Variants in ATP8A2 observed in about 807,000 individuals in gnomAD.
The protein encoded by ATP8A2 is phospholipid-transporting ATPase IB.
A neutral mutation model predicts 165.6 loss-of-function variants in ATP8A2; 100 were observed. The ratio of observed to expected loss-of-function variants is 0.60; its 90% CI spans 0.51 to 0.71. The LOEUF (loss-of-function observed/expected upper bound fraction) is 0.71, where lower values mean the gene tolerates loss of function less well. Among genes scored for constraint, ATP8A2 ranks in the 30% least tolerant of loss-of-function variants. The pLI is 0.00. For synonymous variants in ATP8A2, 543 were observed against 548.8 expected (o/e 0.99, Z 0.15); for missense variants, 1,227 against 1,479.5 (o/e 0.83, Z 2.80).
chr13:25,668,217 G>A (rs1018995680), intron 24 of ATP8A2, among the ~76,000 whole-genome samples: 2 of 152,112 alleles, frequency 1.3e-5, no homozygotes, highest in African/African-American at 4.8e-5. Flanking sequence ...ATGTCTTATA[G>A]GGCAGGCCTA....
At chr13:25,719,141 G>A (rs1448629243) in intron 25 of ATP8A2, among the ~76,000 whole-genome samples, 7 of 152,300 alleles carry the variant, frequency 4.6e-5, no homozygotes, top group East Asian at 3.9e-4. Context: ...GGAAACTTCC[G>A]TGATCCGGCT....
intron 33 of ATP8A2, among the ~76,000 whole-genome samples, chr13:25,875,269 G>A (rs963403999): frequency 2.0e-5 from 3 of 149,348 alleles, no homozygotes; most frequent in Admixed American, 2.0e-4. Flanking sequence ...AAAAATGTAC[G>A]TTTGTGTGAT....
At chr13:26,003,198 C>CTT (rs539506943) in intron 35 of ATP8A2, among the ~76,000 whole-genome samples, 3 of 139,730 alleles carry the variant, frequency 2.1e-5, no homozygotes, top group African/African-American at 5.3e-5. Flanking sequence ...TGTTAGCTTT[C>CTT]TTTTTTTTTT....
chr13:25,884,836 G>A (rs529669416), intron 33 of ATP8A2, among the ~76,000 whole-genome samples: 8 of 152,066 alleles, frequency 5.3e-5, no homozygotes, highest in Admixed American at 2.0e-4. Flanking sequence ...CTCCTCCCAC[G>A]AGCCATCCCA....
chr13:25,864,737 G>A (rs771021741), intron 33 of ATP8A2, among the ~76,000 whole-genome samples: 18 of 152,196 alleles, frequency 1.2e-4, no homozygotes, highest in Non-Finnish European at 2.6e-4. Context: ...GGGTGAAACC[G>A]AGGTTTTCAT....
intron 1 of ATP8A2, among the ~76,000 whole-genome samples, chr13:25,390,352 T>C (rs533229138): frequency 6.6e-6 from 1 of 152,312 alleles, no homozygotes; most frequent in Non-Finnish European, 1.5e-5. Flanking sequence ...CACAGTGAAA[T>C]GTGCCCTTTT....
chr13:25,970,230 ACTCTCAAACTC>A (rs1955881629), intron 35 of ATP8A2, among the ~76,000 whole-genome samples: 1 of 152,182 alleles, frequency 6.6e-6, no homozygotes, highest in Admixed American at 6.5e-5. Flanking sequence ...TCAGAGCAAA[ACTCTCAAACTC>A]CTCTCAAACA....
At chr13:25,838,055 C>A (rs1316697185) in intron 29 of ATP8A2, among the ~76,000 whole-genome samples, 1 of 152,210 alleles carries the variant, frequency 6.6e-6, no homozygotes, top group African/African-American at 2.4e-5. Flanking sequence ...GCTGCACGGC[C>A]TTGTTTCTGC....
intron 4 of ATP8A2, among the ~76,000 whole-genome samples, chr13:25,531,205 T>TATATGTTATATATGAC (rs2038035432): frequency 7.0e-6 from 1 of 143,694 alleles, no homozygotes; most frequent in Admixed American, 7.3e-5. Context: ...TTATATATGA[T>TATATGTTATATATGAC]ATATGTTATA....
In ATP8A2 at chr13:25,490,866, T is replaced by C. The variant is rs113815076; in HGVS notation, c.221+21745T>C. On this transcript the variant is annotated intron_variant, in intron 2 of 36. Transcript: ENST00000381655. ...CTCAAATTCTCCCACCTCAACCTCG[T>C]AAGTAGCTGGGAATATAGGCACACG... Among the ~76,000 whole-genome samples, 750 of 152,092 alleles carry C rather than the reference T, an allele frequency of 4.9e-3. 5 individuals are homozygous for C. The highest frequency in any genetic ancestry group is 0.018 in the African/African-American group (727 of 41,466).
intron 10 of ATP8A2, among the ~76,000 whole-genome samples, chr13:25,547,855 G>A (rs759765774): frequency 6.6e-6 from 1 of 152,090 alleles, no homozygotes; most frequent in Non-Finnish European, 1.5e-5. Flanking sequence ...TTATAAGTCC[G>A]TTACACTGAA....
chr13:25,391,345 G>GTCCA (rs2033238311), intron 1 of ATP8A2, among the ~76,000 whole-genome samples: 1 of 152,098 alleles, frequency 6.6e-6, no homozygotes. Context: ...CTATTCATCT[G>GTCCA]TCCATCCATC....
At chr13:25,652,793 T>C (rs77563394) in intron 24 of ATP8A2, among the ~76,000 whole-genome samples, 5,238 of 152,276 alleles carry the variant, frequency 0.034, 154 homozygotes, top group East Asian at 0.13. Context: ...TTGGCTCTGC[T>C]GAGATTCTTT....
chr13:25,737,514 G>A (rs2043798581), intron 25 of ATP8A2, among the ~76,000 whole-genome samples: 1 of 152,088 alleles, frequency 6.6e-6, no homozygotes, highest in Non-Finnish European at 1.5e-5. Flanking sequence ...TTTTCTGTGT[G>A]TGTGAGACAG....
chr13:25,648,157 A>G (rs75183329), intron 24 of ATP8A2, among the ~76,000 whole-genome samples: 5,251 of 152,082 alleles, frequency 0.035, 156 homozygotes, highest in East Asian at 0.13. Flanking sequence ...TTCTGTCTTT[A>G]AGCTCATTTA....
intron 24 of ATP8A2, among the ~76,000 whole-genome samples, chr13:25,602,869 A>G (rs2138382268): frequency 6.6e-6 from 1 of 152,148 alleles, no homozygotes; most frequent in African/African-American, 2.4e-5. Flanking sequence ...CAGGAGTTCA[A>G]GACCAGCCTG....
At chr13:25,935,351 T>C (rs921262833) in intron 33 of ATP8A2, among the ~76,000 whole-genome samples, 27 of 152,198 alleles carry the variant, frequency 1.8e-4, no homozygotes, top group African/African-American at 6.0e-4. Flanking sequence ...TTAGTCAACT[T>C]CCCCTGCTGG....
chr13:25,877,022 AT>A (rs1344258009), intron 33 of ATP8A2, among the ~76,000 whole-genome samples: 4 of 152,012 alleles, frequency 2.6e-5, no homozygotes, highest in African/African-American at 4.8e-5. Context: ...TTGGGGATTT[AT>A]TTTTATTTAA....
At chr13:25,996,463 CTTTT>C (rs1050045537) in intron 35 of ATP8A2, among the ~76,000 whole-genome samples, 1 of 152,104 alleles carries the variant, frequency 6.6e-6, no homozygotes, top group East Asian at 1.9e-4. Flanking sequence ...TATATTCTTT[CTTTT>C]TTATGTTCCA....
Sources: gnomAD v4.1 joint callset for allele counts (sites outside exome capture counted in the v4.1 genomes callset) on GRCh38, gnomAD v4.1.1 for gene constraint, MANE v1.5 for transcripts, NCBI Gene and HGNC (gene_info 2026-07-23, HGNC 2026-07-21) for gene names.